The following SNRPE variants were observed in gnomAD, a reference collection of about 807,000 sequenced individuals.
The protein encoded by SNRPE is small nuclear ribonucleoprotein E.
For synonymous variants in SNRPE, 35 were observed against 36.7 expected, an observed-to-expected ratio of 0.95 and a Z score of 0.17; for missense variants, 53 against 111.6, an observed-to-expected ratio of 0.48 and a Z score of 2.36.
At chr1:203,864,729 T>C (rs1690050260) in intron 3 of SNRPE, among the ~76,000 whole-genome samples, 1 of 151,928 alleles carries the variant, frequency 6.6e-6, no homozygotes, top group South Asian at 2.1e-4. Context: ...ATACAAAAAG[T>C]AGCCAGGCAT....
intron 3 of SNRPE, among the ~76,000 whole-genome samples, 193 bp from the exon 4 acceptor site, chr1:203,864,848 G>T (rs957621619): frequency 7.4e-6 from 1 of 135,386 alleles, no homozygotes; most frequent in African/African-American, 2.8e-5. Context: ...CTGCACTCTA[G>T]CCTGGAAGAC....
chr1:203,861,751 T>A (rs1464216245), intron 1 of SNRPE, 38 bp downstream of exon 1: 64 of 1,501,520 alleles, frequency 4.3e-5, no homozygotes, highest in Non-Finnish European at 5.9e-5. Flanking sequence ...GAGGTTCGGG[T>A]CAGAATACGG....
At chr1:203,862,052 G>A in intron 1 of SNRPE, 144 bp from the exon 2 acceptor site, 1 of 687,638 alleles carries the variant, frequency 1.5e-6, no homozygotes. Flanking sequence ...CGTAACGAAT[G>A]CCCAGCTGGG....
chr1:203,869,768 TA>T, intron 4 of SNRPE, 108 bp from the exon 5 acceptor site: 1 of 712,140 alleles, frequency 1.4e-6, no homozygotes, highest in Non-Finnish European at 2.4e-6. Flanking sequence ...CACATATTTT[TA>T]TAAGAAAGCA....
intron 4 of SNRPE, among the ~76,000 whole-genome samples, chr1:203,868,410 C>G (rs1387998992): frequency 2.0e-5 from 3 of 152,172 alleles, no homozygotes; most frequent in African/African-American, 7.2e-5. Context: ...ACGGTTTCAT[C>G]AAGACACACT....
At chr1:203,862,036 A>G (rs1007233158) in intron 1 of SNRPE, 160 bp from the exon 2 acceptor site, 3 of 652,080 alleles carry the variant, frequency 4.6e-6, no homozygotes, top group African/African-American at 3.6e-5. Context: ...TAGTCTTTAG[A>G]AGACCCGTAA....
At position 203,870,966 on chromosome 1, in the gene SNRPE, A is replaced by G. The variant is rs1331906110; in HGVS notation, c.*1034A>G. On this transcript the variant is annotated 3_prime_UTR_variant, in exon 5 of 5. Transcript: ENST00000414487. ...CAAGAAGTCTGGCTCCTGCTTTTCT[A>G]CATGCCTGTGAAGGAGACTTTTCAT... Among the ~76,000 whole-genome samples, 1 of 152,218 alleles carries G rather than the reference A, an allele frequency of 6.6e-6. No homozygotes were observed. Among genetic ancestry groups the G allele is most frequent in the African/African-American group, 2.4e-5 (1 of 41,460 alleles).
Position 203,862,234 on chromosome 1 carries a change from G to C in SNRPE, c.81+12G>C. 2 of 1,594,846 alleles carry C rather than the reference G, an allele frequency of 1.3e-6. No individual in the cohort carries two copies. The highest frequency in any genetic ancestry group is 8.6e-7 in the Non-Finnish European group (1 of 1,162,400). On this transcript the variant is annotated intron_variant, in intron 2 of 4. Transcript: ENST00000414487. Reference sequence around the variant, plus strand: ...GATACTTACAAAATGTACGTAAGTTGCTTGTTTCGTAACTACTTTTTAAAT... The same window carrying C: ...GATACTTACAAAATGTACGTAAGTTCCTTGTTTCGTAACTACTTTTTAAAT...
At chr1:203,865,808 C>T (rs1690075448) in intron 4 of SNRPE, among the ~76,000 whole-genome samples, 1 of 152,138 alleles carries the variant, frequency 6.6e-6, no homozygotes, top group Non-Finnish European at 1.5e-5. Context: ...TAGAGCAGCT[C>T]ACAGAACTCG....
intron 4 of SNRPE, among the ~76,000 whole-genome samples, chr1:203,868,012 G>T (rs1213768720): frequency 6.6e-6 from 1 of 152,090 alleles, no homozygotes; most frequent in Non-Finnish European, 1.5e-5. Flanking sequence ...CTAACTCAAT[G>T]CCTGGCACAT....
intron 1 of SNRPE, 107 bp downstream of exon 1, chr1:203,861,820 A>G: frequency 3.4e-6 from 3 of 870,504 alleles, no homozygotes; most frequent in Non-Finnish European, 3.9e-6. Context: ...TCCACATCCC[A>G]TGAGCCCCCG....
chr1:203,867,123 A>AAAAAAC (rs1553274872), intron 4 of SNRPE, among the ~76,000 whole-genome samples: 115 of 141,324 alleles, frequency 8.1e-4, no homozygotes, highest in African/African-American at 3.0e-3. Flanking sequence ...AAAAAAAAAA[A>AAAAAAC]AAAAAAATTA....
intron 4 of SNRPE, among the ~76,000 whole-genome samples, chr1:203,869,108 G>T (rs528788456): frequency 6.6e-6 from 1 of 152,136 alleles, no homozygotes; most frequent in Non-Finnish European, 1.5e-5. Flanking sequence ...ATTAATACCT[G>T]CAGAAGCCTG....
chr1:203,861,809 A>C, intron 1 of SNRPE, 96 bp downstream of exon 1: 2 of 929,938 alleles, frequency 2.2e-6, no homozygotes, highest in Non-Finnish European at 3.6e-6. Flanking sequence ...TGGAGTACGG[A>C]TCCACATCCC....
rs777551033 is a variant in SNRPE, at chr1:203,865,019, AAC to A, written c.145-20_145-19del. On this transcript the variant is annotated intron_variant, in intron 3 of 4. Coordinates refer to ENST00000414487, the MANE Select transcript of SNRPE (RefSeq NM_003094.4). Reference sequence around the variant, plus strand: ...TTTGAATGTGATTTTCTTTGAAGATAACAGTTTGTTTATTTTTCTAGGGTTTT... The same window carrying A: ...TTTGAATGTGATTTTCTTTGAAGATAAGTTTGTTTATTTTTCTAGGGTTTT... 6.2e-7 allele frequency: 1 copy of A among 1,601,926 alleles called. No individual in the cohort carries two copies. Among genetic ancestry groups the A allele is most frequent in the East Asian group, 2.2e-5 (1 of 44,714 alleles).
chr1:203,867,266 C>T (rs999652715), intron 4 of SNRPE, among the ~76,000 whole-genome samples: 11 of 110,856 alleles, frequency 9.9e-5, no homozygotes, highest in African/African-American at 3.4e-4. Context: ...GGCGACACAG[C>T]GAGACTCTGT....
At chr1:203,864,343 A>T (rs1690042300) in intron 3 of SNRPE, among the ~76,000 whole-genome samples, 1 of 151,920 alleles carries the variant, frequency 6.6e-6, no homozygotes, top group Non-Finnish European at 1.5e-5. Flanking sequence ...GAAATTAGGG[A>T]GGGTGGGGTT....
intron 4 of SNRPE, among the ~76,000 whole-genome samples, chr1:203,868,432 G>T (rs6678829): frequency 6.6e-6 from 1 of 151,672 alleles, no homozygotes; most frequent in Non-Finnish European, 1.5e-5. Flanking sequence ...AATCATTTCT[G>T]TTAACATCCC....
Position 203,869,870 on chromosome 1 carries a change from G to A in SNRPE, c.224-7G>A, listed in dbSNP as rs926822828. 1.9e-6 allele frequency: 3 copies of A among 1,600,174 alleles called. No individual in the cohort carries two copies. Among genetic ancestry groups the A allele is most frequent in the African/African-American group, 2.7e-5 (2 of 74,490 alleles). ...ATTAATAGCTTTTTGTTGTTTTTGTGTTGCAGGTCGGATCATGCTAAAAGG... is the reference window on the plus strand; with the variant it reads ...ATTAATAGCTTTTTGTTGTTTTTGTATTGCAGGTCGGATCATGCTAAAAGG... On this transcript the variant is annotated splice_polypyrimidine_tract_variant and splice_region_variant and intron_variant, in intron 4 of 4. Coordinates refer to ENST00000414487, the MANE Select transcript of SNRPE (RefSeq NM_003094.4).
Sources: allele counts gnomAD v4.1 joint callset (sites outside exome capture counted in the v4.1 genomes callset), GRCh38; gene constraint gnomAD v4.1.1; transcripts MANE v1.5; gene names NCBI Gene and HGNC (gene_info 2026-07-23, HGNC 2026-07-21).